Variants in CEP350 observed in about 807,000 individuals in gnomAD.
CEP350 encodes the protein centrosomal protein 350, also known as centrosome-associated protein 350.
CEP350 carries 126 observed loss-of-function variants against 331.8 expected under a neutral mutation model. The observed-to-expected ratio is 0.38, with a 90% CI of 0.33 to 0.44. The LOEUF (loss-of-function observed/expected upper bound fraction) is 0.44. CEP350 is among the 20% of genes least tolerant of loss of function. The probability of loss-of-function intolerance (pLI) is 1.00; values close to 1 mark genes in which losing one functional copy is unlikely to be tolerated. For synonymous variants in CEP350, 1,200 were observed against 1,259.5 expected (o/e 0.95, Z 1.00); for missense variants, 3,406 against 3,634.6 (o/e 0.94, Z 1.62).
At chr1:179,956,969 A>G (rs753739757) in intron 1 of CEP350, among the ~76,000 whole-genome samples, 3 of 152,136 alleles carry the variant, frequency 2.0e-5, no homozygotes, top group Non-Finnish European at 4.4e-5. Context: ...TCCTTTTTAC[A>G]TGCCACTTGC....
intron 30 of CEP350, among the ~76,000 whole-genome samples, chr1:180,082,852 AAAT>A (rs988273783): frequency 2.0e-5 from 3 of 152,172 alleles, no homozygotes; most frequent in African/African-American, 4.8e-5. Flanking sequence ...AATCTTACCA[AAAT>A]AATAATAATT....
chr1:180,088,729 T>C (rs1660004163), intron 32 of CEP350, among the ~76,000 whole-genome samples: 1 of 152,228 alleles, frequency 6.6e-6, no homozygotes, highest in South Asian at 2.1e-4. Flanking sequence ...AACCGCTCTG[T>C]GCTTCAGTTT....
chr1:180,055,572 A>G (rs1281009802), intron 25 of CEP350, among the ~76,000 whole-genome samples: 1 of 29,532 alleles, frequency 3.4e-5, no homozygotes, highest in Non-Finnish European at 7.4e-5. Context: ...TTTTTTTTTG[A>G]GACAGTCTCG....
rs1654679164 is a variant in CEP350 at position 180,011,830 on chromosome 1, G to A, written c.1247-99G>A. 1.2e-5 allele frequency: 9 copies of A among 773,266 alleles called. No individual in the cohort carries two copies. In the South Asian group the frequency reaches 1.9e-4, roughly 16 times the overall value. 47.9% of individuals were successfully genotyped at this position (773,266 alleles called of 1,614,324 possible). Reference sequence around the variant, plus strand: ...TATTGTAAATCTTTTGACCTTGACAGATGAACATAAGATTAATAATAAAAC... The same window carrying A: ...TATTGTAAATCTTTTGACCTTGACAAATGAACATAAGATTAATAATAAAAC... On this transcript the variant is annotated intron_variant, in intron 8 of 37. Transcript: ENST00000367607.
intron 33 of CEP350, 136 bp from the exon 34 acceptor site, chr1:180,092,478 G>T (rs546300837): frequency 2.0e-6 from 1 of 506,068 alleles, no homozygotes; most frequent in Non-Finnish European, 3.4e-6. Flanking sequence ...AACTTATAAA[G>T]TAGCCAAAAC....
intron 37 of CEP350, among the ~76,000 whole-genome samples, chr1:180,102,050 G>C (rs1226237970): frequency 6.6e-6 from 1 of 152,096 alleles, no homozygotes; most frequent in Non-Finnish European, 1.5e-5. Context: ...TCATGGGAGG[G>C]CCTTAAGACC....
chr1:180,053,958 A>T, intron 24 of CEP350, 24 bp downstream of exon 24: 1 of 1,494,380 alleles, frequency 6.7e-7, no homozygotes, highest in African/African-American at 1.4e-5. Context: ...AGCAGTTTTC[A>T]CTAATTTCTT....
intron 21 of CEP350, among the ~76,000 whole-genome samples, chr1:180,045,609 A>G (rs539652835): frequency 1.3e-5 from 2 of 152,318 alleles, no homozygotes; most frequent in Non-Finnish European, 2.9e-5. Flanking sequence ...TGTTCATTTA[A>G]CCTTTACTGA....
chr1:180,110,019 C>T (rs1236826845), intron 37 of CEP350, among the ~76,000 whole-genome samples: 1 of 152,132 alleles, frequency 6.6e-6, no homozygotes, highest in African/African-American at 2.4e-5. Flanking sequence ...GTTATTTCTA[C>T]TTGATTAGTT....
intron 21 of CEP350, among the ~76,000 whole-genome samples, chr1:180,047,109 G>A (rs904889511): frequency 2.6e-5 from 4 of 152,304 alleles, no homozygotes; most frequent in Middle Eastern, 3.4e-3. Context: ...GATCCATGGA[G>A]TTTCTTAGAA....
At chr1:180,084,822 C>G (rs1659765076) in intron 31 of CEP350, among the ~76,000 whole-genome samples, 1 of 152,052 alleles carries the variant, frequency 6.6e-6, no homozygotes. Flanking sequence ...CATGATTGCA[C>G]CTGTGAATAG....
intron 21 of CEP350, among the ~76,000 whole-genome samples, chr1:180,045,817 A>T (rs963606052): frequency 2.6e-5 from 4 of 152,188 alleles, no homozygotes; most frequent in African/African-American, 9.7e-5. Flanking sequence ...ATTAAGGTCT[A>T]AATTATTTAG....
chr1:180,043,789 TG>T (rs1656928716), intron 20 of CEP350, among the ~76,000 whole-genome samples: 1 of 127,876 alleles, frequency 7.8e-6, no homozygotes, highest in Non-Finnish European at 1.9e-5. Context: ...TGTGTGTGTG[TG>T]TGTGTGTGTG....
chr1:180,048,635 T>C lies in CEP350; in HGVS notation c.4722T>C (p.Asp1574=), dbSNP rs373765389. ...GTGAAAAGATAGAGAGTTCCATTGA[T>C]GAACAGGTTCAGACTGCTGCAGATG... The part of the protein sequence containing the change: ...LNGEKIESSI[D]EQVQTAADDS... Residue 1574 remains aspartate, a synonymous_variant, in exon 22 of 38, where the codon GAT becomes GAC. Transcript: ENST00000367607. 4 of 1,611,708 alleles carry C rather than the reference T, an allele frequency of 2.5e-6. No individual in the cohort carries two copies. The highest frequency in any genetic ancestry group is 3.4e-6 in the Non-Finnish European group (4 of 1,177,990).
chr1:180,041,058 A>G, intron 17 of CEP350, 80 bp from the exon 18 acceptor site: 1 of 1,021,162 alleles, frequency 9.8e-7, no homozygotes, highest in Non-Finnish European at 1.5e-6. Flanking sequence ...TGTATTAGTA[A>G]GATAGCATTG....
At chr1:179,962,126 C>T (rs767005702) in intron 1 of CEP350, among the ~76,000 whole-genome samples, 2 of 151,894 alleles carry the variant, frequency 1.3e-5, no homozygotes, top group South Asian at 2.1e-4. Flanking sequence ...GTATTACAGG[C>T]GTGAGCCACC....
rs1650047084 is a variant in CEP350, at chr1:179,954,862, G to A, written c.-294G>A. 4.6e-6 allele frequency: 2 copies of A among 439,096 alleles called. No individual in the cohort carries two copies. Among genetic ancestry groups the A allele is most frequent in the Admixed American group, 4.4e-5 (1 of 22,782 alleles). 27.2% of individuals were successfully genotyped at this position (439,096 alleles called of 1,614,324 possible). On this transcript the variant is annotated 5_prime_UTR_variant, in exon 1 of 38. Coordinates refer to ENST00000367607, the MANE Select transcript of CEP350 (RefSeq NM_014810.5). The stretch of plus-strand genomic sequence containing the variant: ...CCGCCCCTGACGAAGTGACTCCCGG[G>A]CCGGGGAGCGGGGCCAGACCTGCGC...
In CEP350 at chr1:180,078,111, C is replaced by G. The variant is rs72710650; in HGVS notation, c.5768-352C>G. 3.7e-3 allele frequency among the ~76,000 whole-genome samples: 558 copies of G among 151,180 alleles called. 2 individuals are homozygous for G. Among genetic ancestry groups the G allele is most frequent in the Admixed American group, 5.3e-3 (81 of 15,142 alleles). On this transcript the variant is annotated intron_variant, in intron 28 of 37. Transcript: ENST00000367607. The stretch of plus-strand genomic sequence containing the variant: ...TCATGCTACTGCACCCCACCCTGGG[C>G]AACAAGAACGGGATGCCATCTTAAA...
In CEP350 at chr1:180,015,986, T is replaced by C; in HGVS notation, c.2174+16T>C. On this transcript the variant is annotated intron_variant, in intron 11 of 37. Transcript: ENST00000367607. ...CTCTTGCAAGGTAAAAAGGGAAGAA[T>C]GAAAGATGATTAAGATTCTTTTCAT... 6.2e-7 allele frequency: 1 copy of C among 1,612,032 alleles called. No individual in the cohort carries two copies. The highest frequency in any genetic ancestry group is 8.5e-7 in the Non-Finnish European group (1 of 1,179,198).
Sources: gnomAD v4.1 joint callset for allele counts (sites outside exome capture counted in the v4.1 genomes callset) on GRCh38, gnomAD v4.1.1 for gene constraint, MANE v1.5 for transcripts, NCBI Gene and HGNC (gene_info 2026-07-23, HGNC 2026-07-21) for gene names.